The following SEC63 variants were observed in gnomAD, a reference collection of about 807,000 sequenced individuals.
SEC63 encodes translocation protein SEC63 homolog.
Under a neutral mutation model 116.2 loss-of-function variants are expected in SEC63, and 56 were observed. That is an observed-to-expected ratio of 0.48 (90% CI 0.39 to 0.60). The LOEUF (loss-of-function observed/expected upper bound fraction) is 0.60, where lower values mean the gene tolerates loss of function less well. SEC63 is among the 20% of genes least tolerant of loss of function. SEC63 has a pLI of 0.00. For missense variants in SEC63, 668 were observed against 900.0 expected, an observed-to-expected ratio of 0.74 and a Z score of 3.30; for synonymous variants, 273 against 294.6, an observed-to-expected ratio of 0.93 and a Z score of 0.75.
chr6:107,908,914 A>C lies in SEC63; in HGVS notation c.733+13T>G, dbSNP rs1393787320. On this transcript the variant is annotated intron_variant, in intron 8 of 20. Coordinates refer to ENST00000369002, the MANE Select transcript of SEC63 (RefSeq NM_007214.5). The stretch of plus-strand genomic sequence containing the variant: ...AATGTGATTAATAGCAAAGTTACTT[A>C]AAGTTTACTTACGTTTCATATCCAT... 1 of 1,502,306 alleles carries C rather than the reference A, an allele frequency of 6.7e-7. No individual in the cohort carries two copies. The highest frequency in any genetic ancestry group is 1.4e-5 in the African/African-American group (1 of 72,644). 93.1% of individuals were successfully genotyped at this position (1,502,306 alleles called of 1,614,324 possible).
intron 2 of SEC63, among the ~76,000 whole-genome samples, chr6:107,925,879 T>C (rs1254861359): frequency 6.6e-6 from 1 of 152,238 alleles, no homozygotes; most frequent in Non-Finnish European, 1.5e-5. Flanking sequence ...AGACGGAGTC[T>C]CGCTCTGTTG....
At chr6:107,955,949 A>G (rs1242492698) in intron 1 of SEC63, 2 of 377,158 alleles carry the variant, frequency 5.3e-6, no homozygotes, top group East Asian at 1.1e-4. Flanking sequence ...GGTGAATTTT[A>G]TAATACGAAA....
chr6:107,947,091 T>C (rs1167468648), intron 1 of SEC63, among the ~76,000 whole-genome samples: 1 of 152,132 alleles, frequency 6.6e-6, no homozygotes, highest in Non-Finnish European at 1.5e-5. Context: ...TTTTTTCTAA[T>C]GTTAAAAAAC....
intron 1 of SEC63, among the ~76,000 whole-genome samples, chr6:107,937,112 A>G (rs913170417): frequency 5.0e-5 from 7 of 141,110 alleles, no homozygotes; most frequent in South Asian, 2.2e-4. Context: ...TCTACAGTGT[A>G]TATGTACCAC....
intron 1 of SEC63, chr6:107,932,392 TCC>T (rs1232393583): frequency 1.3e-5 from 2 of 152,090 alleles, no homozygotes; most frequent in Non-Finnish European, 2.9e-5. Context: ...AGGTAAGAAG[TCC>T]AACTACCTTG....
chr6:107,872,956 G>A, intron 19 of SEC63, 44 bp from the exon 20 acceptor site: 2 of 1,246,928 alleles, frequency 1.6e-6, no homozygotes, highest in Non-Finnish European at 2.3e-6. Context: ...TTATGGGGAG[G>A]AAACAGCTCA....
Position 107,907,235 on chromosome 6 carries a change from T to A in SEC63, c.734-458A>T, listed in dbSNP as rs188396183. On this transcript the variant is annotated intron_variant, in intron 8 of 20. Coordinates refer to ENST00000369002, the MANE Select transcript of SEC63 (RefSeq NM_007214.5). ...TATGCATTATAATTTTCCAAAAAAATTTTATTATGGAACCCAAGAGGATTT... is the reference window on the plus strand; with the variant it reads ...TATGCATTATAATTTTCCAAAAAAAATTTATTATGGAACCCAAGAGGATTT... Among the ~76,000 whole-genome samples the A allele has an allele frequency of 3.1e-3, 465 of 152,298 alleles. 3 individuals carry two copies. Among genetic ancestry groups the A allele is most frequent in the African/African-American group, 0.01 (435 of 41,558 alleles).
chr6:107,943,818 G>C (rs149281630), intron 1 of SEC63, among the ~76,000 whole-genome samples: 42 of 152,332 alleles, frequency 2.8e-4, no homozygotes, highest in African/African-American at 9.9e-4. Context: ...AGTGATCAAA[G>C]AGACCACGAA....
intron 19 of SEC63, among the ~76,000 whole-genome samples, chr6:107,875,039 T>G (rs761284875): frequency 5.9e-5 from 9 of 152,168 alleles, no homozygotes; most frequent in Admixed American, 1.3e-4. Context: ...TTGTTTTTGT[T>G]TTTTTTAAGA....
rs115771875 is a variant in SEC63, at chr6:107,877,108, T to C, written c.1936-446A>G. 3.3e-3 allele frequency: 518 copies of C among 157,770 alleles called. 4 individuals carry two copies. The highest frequency in any genetic ancestry group is 0.012 in the African/African-American group (500 of 41,242). The allele number at this position is 157,770 out of a possible 1,614,324, so 9.8% of individuals were successfully genotyped here. On this transcript the variant is annotated intron_variant, in intron 18 of 20. Coordinates refer to ENST00000369002, the MANE Select transcript of SEC63 (RefSeq NM_007214.5). Reference sequence around the variant, plus strand: ...ATATACACATATATACATATACATATATGTGTGTGTGTATATATATATTTT... The same window carrying C: ...ATATACACATATATACATATACATACATGTGTGTGTGTATATATATATTTT...
intron 1 of SEC63, 136 bp from the exon 2 acceptor site, chr6:107,929,650 C>G (rs146232419): frequency 2.0e-4 from 121 of 616,818 alleles, no homozygotes; most frequent in African/African-American, 1.9e-3. Context: ...ATTCAAATAG[C>G]CTTTAAAAAA....
At chr6:107,924,957 T>C (rs1006091486) in intron 2 of SEC63, 25 bp from the exon 3 acceptor site, 1 of 1,297,344 alleles carries the variant, frequency 7.7e-7, no homozygotes, top group Admixed American at 1.7e-5. Context: ...GGTAAGTGAA[T>C]CATAAACAAA....
rs948194219 is a variant in SEC63, at chr6:107,869,213, T to C, written c.*2491A>G. ...GCTCCCTAACTTAAAAAAAAAATTATGAAAAATGTTTAAAAAATTCAAAAA... is the reference window on the plus strand; with the variant it reads ...GCTCCCTAACTTAAAAAAAAAATTACGAAAAATGTTTAAAAAATTCAAAAA... On this transcript the variant is annotated 3_prime_UTR_variant, in exon 21 of 21. Transcript: ENST00000369002. 6.6e-6 allele frequency: 1 copy of C among 152,116 alleles called. No individual in the cohort carries two copies. The highest frequency in any genetic ancestry group is 3.4e-3 in the Middle Eastern group (1 of 294). The allele number at this position is 152,116 out of a possible 1,614,324, so 9.4% of individuals were successfully genotyped here.
At chr6:107,941,062 G>A (rs908585276) in intron 1 of SEC63, among the ~76,000 whole-genome samples, 4 of 151,946 alleles carry the variant, frequency 2.6e-5, no homozygotes, top group African/African-American at 7.3e-5. Context: ...AAGAAGGAAA[G>A]GCAACTTAAC....
In SEC63 at chr6:107,902,860, A is replaced by C. The variant is rs1341382691; in HGVS notation, c.1193T>G (p.Val398Gly). Residue 398 changes from valine to glycine, a missense_variant, in exon 12 of 21, where the codon GTT becomes GGT. Physicochemically the swap from Val to Gly is moderately radical, Grantham distance 109. Coordinates refer to ENST00000369002, the MANE Select transcript of SEC63 (RefSeq NM_007214.5). ...PHIEEDNLRR[V>G]SNHKKYKIKT... ...AAGAATTACCTTCTTATGATTAGAA[A>C]CCCGTCTAAGATTGTCCTCTTCAAT... 6.2e-7 allele frequency: 1 copy of C among 1,613,900 alleles called. No homozygotes were observed. Among genetic ancestry groups the C allele is most frequent in the Non-Finnish European group, 8.5e-7 (1 of 1,179,906 alleles).
intron 5 of SEC63, among the ~76,000 whole-genome samples, chr6:107,913,026 T>C (rs1787320958): frequency 6.6e-6 from 1 of 152,168 alleles, no homozygotes; most frequent in Admixed American, 6.5e-5. Context: ...CAAGAAAATA[T>C]AAATTATTTT....
chr6:107,921,341 TACC>T (rs950289382), intron 4 of SEC63, among the ~76,000 whole-genome samples: 1 of 152,184 alleles, frequency 6.6e-6, no homozygotes, highest in African/African-American at 2.4e-5. Context: ...TAAATTAAAT[TACC>T]ACGTTAGTGC....
intron 19 of SEC63, among the ~76,000 whole-genome samples, chr6:107,873,179 CT>C (rs1475353596): frequency 6.6e-6 from 1 of 152,114 alleles, no homozygotes; most frequent in Admixed American, 6.5e-5. Flanking sequence ...GAAAGCAGTA[CT>C]TAAAGCAACC....
At chr6:107,904,513 A>G (rs1787096073) in intron 11 of SEC63, 116 bp downstream of exon 11, 2 of 760,748 alleles carry the variant, frequency 2.6e-6, no homozygotes, top group South Asian at 3.0e-5. Context: ...AAATTGAAGA[A>G]GCTCACTGAA....
Sources: allele counts gnomAD v4.1 joint callset (sites outside exome capture counted in the v4.1 genomes callset), GRCh38; gene constraint gnomAD v4.1.1; transcripts MANE v1.5; gene names NCBI Gene and HGNC (gene_info 2026-07-23, HGNC 2026-07-21).